KIF1A: variants seen among roughly 807,000 people sequenced by gnomAD.
KIF1A encodes the protein kinesin family member 1A.
In KIF1A, 46 loss-of-function variants were observed where a neutral mutation model predicts 227.3. That is an observed-to-expected ratio of 0.20 (90% CI 0.16 to 0.26). KIF1A has a LOEUF of 0.26. KIF1A is among the 10% of genes least tolerant of loss of function. KIF1A has a pLI of 1.00. For synonymous variants in KIF1A, 1,022 were observed against 1,012.8 expected, an observed-to-expected ratio of 1.01 and a Z score of -0.17; for missense variants, 1,683 against 2,485.9, an observed-to-expected ratio of 0.68 and a Z score of 6.87.
intron 27 of KIF1A, among the ~76,000 whole-genome samples, chr2:240,751,390 C>A (rs555382513): frequency 6.6e-6 from 1 of 152,180 alleles, no homozygotes; most frequent in Non-Finnish European, 1.5e-5. Flanking sequence ...GTGCCTGGGG[C>A]CCTCGATTCC....
chr2:240,739,686 G>C lies in KIF1A; in HGVS notation c.3901+372C>G, dbSNP rs144800036. On this transcript the variant is annotated intron_variant, in intron 37 of 48. Coordinates refer to ENST00000498729, the MANE Select transcript of KIF1A (RefSeq NM_001244008.2). This position sits in a 1 kb window ranked among gnomAD's most constrained non-coding sequence, Gnocchi z 5.6. ...CACCAGGAGCTGGAAGAGGCAGGGA[G>C]GGATTTTCCCCAACAGGTTTCAGAG... Among the ~76,000 whole-genome samples, 8 of 152,280 alleles carry C rather than the reference G, an allele frequency of 5.3e-5. No individual in the cohort carries two copies. The highest frequency in any genetic ancestry group is 1.9e-4 in the African/African-American group (8 of 41,562).
intron 28 of KIF1A, 59 bp from the exon 29 acceptor site, chr2:240,747,380 G>T: frequency 7.2e-7 from 1 of 1,397,148 alleles, no homozygotes; most frequent in Non-Finnish European, 1.0e-6. Flanking sequence ...GTGGGTGTGG[G>T]CAGAGCCAGG....
At chr2:240,772,838 A>G (rs2052188754) in intron 13 of KIF1A, among the ~76,000 whole-genome samples, 1 of 152,168 alleles carries the variant, frequency 6.6e-6, no homozygotes, top group African/African-American at 2.4e-5. Flanking sequence ...TCAGCATTGA[A>G]CCCAAACCAT....
At chr2:240,731,892 G>T (rs564900003) in intron 38 of KIF1A, among the ~76,000 whole-genome samples, 19 of 11,050 alleles carry the variant, frequency 1.7e-3, no homozygotes, top group Non-Finnish European at 3.0e-3. Flanking sequence ...GATGAGGGGA[G>T]GAGGGGAGGA....
At chr2:240,805,071 GCAGGGA>G (rs1559543878) in intron 1 of KIF1A, among the ~76,000 whole-genome samples, 5 of 46,776 alleles carry the variant, frequency 1.1e-4, no homozygotes, top group African/African-American at 3.9e-4. Context: ...GAGGGAGAGG[GCAGGGA>G]GAGGGGAGGG....
intron 38 of KIF1A, among the ~76,000 whole-genome samples, chr2:240,735,784 C>T (rs74002908): frequency 0.035 from 5,295 of 152,230 alleles, 302 homozygotes; most frequent in African/African-American, 0.12. Context: ...AGCCCCGGCC[C>T]GTCCCACCTG....
chr2:240,803,734 T>G (rs2057167647), intron 1 of KIF1A, among the ~76,000 whole-genome samples: 1 of 152,160 alleles, frequency 6.6e-6, no homozygotes, highest in Non-Finnish European at 1.5e-5. Context: ...ACAGCTAAAT[T>G]TTAAAAACAG....
rs2048566783 is a variant in KIF1A, at chr2:240,746,088, A to ACCCTGG, written c.3147_3152dup (p.Gln1050_Gly1051dup). The ACCCTGG allele has an allele frequency of 4.4e-6, 7 of 1,594,740 alleles. No individual in the cohort carries two copies. The highest frequency in any genetic ancestry group is 5.1e-6 in the Non-Finnish European group (6 of 1,171,324). Reference sequence around the variant, plus strand: ...CATCGGCTGAGGGCCCCACGTCTGCACCCTGGCCCTGGCCCTCCACGATGC... The same window carrying ACCCTGG: ...CATCGGCTGAGGGCCCCACGTCTGCACCCTGGCCCTGGCCCTGGCCCTCCACGATGC... On this transcript the variant is annotated inframe_insertion, in exon 30 of 49. Transcript: ENST00000498729.
intron 1 of KIF1A, among the ~76,000 whole-genome samples, chr2:240,802,496 AG>A (rs1348673457): frequency 1.3e-5 from 2 of 152,262 alleles, no homozygotes; most frequent in African/African-American, 2.4e-5. Flanking sequence ...AAAAATTGTC[AG>A]ACCAGATTTT....
intron 45 of KIF1A, chr2:240,720,190 C>T: frequency 2.7e-6 from 1 of 373,260 alleles, no homozygotes; most frequent in Non-Finnish European, 4.8e-6. Flanking sequence ...GTGCCCCACT[C>T]CACGCCCTTC....
intron 20 of KIF1A, among the ~76,000 whole-genome samples, chr2:240,764,401 C>G (rs547498453): frequency 6.6e-6 from 1 of 152,180 alleles, no homozygotes; most frequent in Non-Finnish European, 1.5e-5. Context: ...GACCAGCTGT[C>G]GCCCAGGCTT....
chr2:240,805,368 A>G (rs1475135941), intron 1 of KIF1A, among the ~76,000 whole-genome samples: 3 of 152,262 alleles, frequency 2.0e-5, no homozygotes, highest in African/African-American at 7.2e-5. Flanking sequence ...ATTATTTAAA[A>G]CTGAAAACTT....
At chr2:240,808,858 G>A (rs2057645141) in intron 1 of KIF1A, among the ~76,000 whole-genome samples, 1 of 151,894 alleles carries the variant, frequency 6.6e-6, no homozygotes, top group Non-Finnish European at 1.5e-5. Flanking sequence ...AGCCTCCCGA[G>A]TAGTTGGGAT....
intron 2 of KIF1A, among the ~76,000 whole-genome samples, chr2:240,796,629 G>A (rs2056428841): frequency 6.6e-6 from 1 of 152,174 alleles, no homozygotes; most frequent in Non-Finnish European, 1.5e-5. Context: ...GTACACTGGG[G>A]CCCCACAGCC....
chr2:240,786,516 G>A lies in KIF1A; in HGVS notation c.430-3C>T. The A allele has an allele frequency of 6.2e-7, 1 of 1,612,472 alleles. No homozygotes were observed. The highest frequency in any genetic ancestry group is 8.5e-7 in the Non-Finnish European group (1 of 1,179,406). On this transcript the variant is annotated splice_region_variant and splice_polypyrimidine_tract_variant and intron_variant, in intron 5 of 48. Coordinates refer to ENST00000498729, the MANE Select transcript of KIF1A (RefSeq NM_001244008.2). Reference sequence around the variant, plus strand: ...CAGTAAATCTCCATGTAGCTGACCTGCAGGGCAGAGCCAGGCCATCAGGGG... The same window carrying A: ...CAGTAAATCTCCATGTAGCTGACCTACAGGGCAGAGCCAGGCCATCAGGGG...
chr2:240,720,895 G>A lies in KIF1A; in HGVS notation c.4868+19C>T, dbSNP rs2045281700. ...GCCGTGGTGCCAGAAGCCACTCCGG[G>A]AGCCTGGAGCTCACTCACCTCAGGT... On this transcript the variant is annotated intron_variant, in intron 45 of 48. Coordinates refer to ENST00000498729, the MANE Select transcript of KIF1A (RefSeq NM_001244008.2). 1.3e-6 allele frequency: 2 copies of A among 1,542,760 alleles called. No homozygotes were observed. Among genetic ancestry groups the A allele is most frequent in the Non-Finnish European group, 8.8e-7 (1 of 1,137,736 alleles).
At position 240,767,036 on chromosome 2, in the gene KIF1A, C is replaced by T. The variant is rs199649700; in HGVS notation, c.1578-15G>A. ...CCCTGCCCACTCTGCGGGGTGGGGG[C>T]ACCATCAGCACGGCAGCTGGGACCC... On this transcript the variant is annotated splice_polypyrimidine_tract_variant and intron_variant, in intron 18 of 48. Coordinates refer to ENST00000498729, the MANE Select transcript of KIF1A (RefSeq NM_001244008.2). The T allele has an allele frequency of 6.4e-7, 1 of 1,572,018 alleles. No homozygotes were observed. The highest frequency in any genetic ancestry group is 1.7e-5 in the Admixed American group (1 of 57,972).
At chr2:240,812,942 CCGCCTTCACCTCA>C (rs1406732308) in intron 1 of KIF1A, among the ~76,000 whole-genome samples, 351 of 147,838 alleles carry the variant, frequency 2.4e-3, no homozygotes, top group African/African-American at 6.1e-3. Context: ...CCTCGGGGAT[CCGCCTTCACCTCA>C]AGGATCCACC....
rs967745092 is a variant in KIF1A, at chr2:240,778,378, C to T, written c.883-2452G>A. 6.6e-6 allele frequency among the ~76,000 whole-genome samples: 1 copy of T among 152,058 alleles called. No individual in the cohort carries two copies. The highest frequency in any genetic ancestry group is 1.5e-5 in the Non-Finnish European group (1 of 68,018). On this transcript the variant is annotated intron_variant, in intron 10 of 48. Coordinates refer to ENST00000498729, the MANE Select transcript of KIF1A (RefSeq NM_001244008.2). The surrounding 1 kb of genome is among the most constrained non-coding windows in gnomAD (Gnocchi z 7.2). ...ACCGTCCCTGACACACTCGCTCTCA[C>T]GGTTCCTCACAGCTCCAGAGAAACT...
Sources: allele counts gnomAD v4.1 joint callset (sites outside exome capture counted in the v4.1 genomes callset), GRCh38; gene constraint gnomAD v4.1.1; non-coding constraint Gnocchi (gnomAD v3.1); transcripts MANE v1.5; gene names NCBI Gene and HGNC (gene_info 2026-07-23, HGNC 2026-07-21).